The following STYK1 variants were observed in gnomAD, a reference collection of about 807,000 sequenced individuals.
The protein encoded by STYK1 is STY kinase 1.
A neutral mutation model predicts 48.1 loss-of-function variants in STYK1; 46 were observed. The observed-to-expected ratio is 0.96, with a 90% confidence interval of 0.75 to 1.22. The LOEUF (loss-of-function observed/expected upper bound fraction) is 1.22, where lower values mean the gene tolerates loss of function less well. Ranked by LOEUF, STYK1 falls within the 50% of genes most tolerant of loss-of-function variation. The pLI is 0.00. For synonymous variants in STYK1, 188 were observed against 189.0 expected (o/e 0.99, Z 0.04); for missense variants, 527 against 521.1 (o/e 1.01, Z -0.11).
intron 6 of STYK1, 81 bp from the exon 7 acceptor site, chr12:10,627,805 C>T: frequency 8.5e-7 from 1 of 1,174,900 alleles, no homozygotes; most frequent in Non-Finnish European, 1.2e-6. Context: ...GGCAGAGATA[C>T]TCTGAAATGC....
chr12:10,648,728 G>C (rs1947627774), intron 1 of STYK1, among the ~76,000 whole-genome samples: 1 of 151,844 alleles, frequency 6.6e-6, no homozygotes, highest in Non-Finnish European at 1.5e-5. Flanking sequence ...CTCCCGGGTG[G>C]CTAATTTTTA....
rs1178586219 is a variant in STYK1 at position 10,621,914 on chromosome 12, CCTT to C, written c.1023_1025del (p.Arg342del). 3 of 1,613,780 alleles carry C rather than the reference CCTT, an allele frequency of 1.9e-6. No individual in the cohort carries two copies. Among genetic ancestry groups the C allele is most frequent in the Non-Finnish European group, 2.5e-6 (3 of 1,179,860 alleles). On this transcript the variant is annotated inframe_deletion, in exon 10 of 11. Transcript: ENST00000075503. ...AGCTACTGGGTCTCTTCATGATTTT[CCTT>C]CTTTGGAGATGCTCTAGGATGCTGG...
chr12:10,638,930 T>C (rs1947514794), intron 1 of STYK1, among the ~76,000 whole-genome samples: 1 of 152,198 alleles, frequency 6.6e-6, no homozygotes, highest in Non-Finnish European at 1.5e-5. Context: ...CCATGTTCTT[T>C]TTAGATAGAC....
In STYK1 at chr12:10,634,902, A is replaced by G. The variant is rs146345163; in HGVS notation, c.-68-216T>C. Among the ~76,000 whole-genome samples, 3 of 152,210 alleles carry G rather than the reference A, an allele frequency of 2.0e-5. No homozygotes were observed. The East Asian group carries it at 5.8e-4, about 29-fold the overall frequency. On this transcript the variant is annotated intron_variant, in intron 2 of 10. Coordinates refer to ENST00000075503, the MANE Select transcript of STYK1 (RefSeq NM_018423.3). ...AGCGTTTCTCTTTTCTCTATTATACAGCAAAGAGCTCTGATCTGCTCTTGT... is the reference window on the plus strand; with the variant it reads ...AGCGTTTCTCTTTTCTCTATTATACGGCAAAGAGCTCTGATCTGCTCTTGT...
intron 1 of STYK1, among the ~76,000 whole-genome samples, chr12:10,668,529 C>A (rs1947858584): frequency 6.8e-6 from 1 of 147,566 alleles, no homozygotes; most frequent in Admixed American, 6.8e-5. Context: ...GCACCTGTCA[C>A]CACACCTGGC....
chr12:10,638,907 G>T (rs548109322), intron 1 of STYK1, among the ~76,000 whole-genome samples: 19 of 152,252 alleles, frequency 1.2e-4, no homozygotes, highest in African/African-American at 4.6e-4. Flanking sequence ...ATCAACACAT[G>T]TGGATCTTCC....
chr12:10,647,028 G>A (rs1239582428), intron 1 of STYK1, among the ~76,000 whole-genome samples: 1 of 152,230 alleles, frequency 6.6e-6, no homozygotes, highest in African/African-American at 2.4e-5. Context: ...GCAGGGGCGG[G>A]GCCCTCATGG....
Position 10,631,131 on chromosome 12 carries a change from C to T in STYK1, c.365G>A (p.Ser122Asn). 6 of 1,614,230 alleles carry T rather than the reference C, an allele frequency of 3.7e-6. No homozygotes were observed. The highest frequency in any genetic ancestry group is 5.1e-6 in the Non-Finnish European group (6 of 1,180,044). The change falls in exon 5 of 11, where the codon AGT becomes AAT. Residue 122 changes from serine (S) to asparagine (N), a missense_variant. Ser to Asn is a conservative substitution (Grantham distance 46). Coordinates refer to ENST00000075503, the MANE Select transcript of STYK1 (RefSeq NM_018423.3). The part of the protein sequence containing the change: ...QLSEVLEQIC[S>N]GSCGPIFRAN... ...TCGAAAGATGGGCCCACAGCTACCA[C>T]TGCAAATCTGCTCCAGAACTTCAGA...
chr12:10,620,204 C>G lies in STYK1; in HGVS notation c.1209G>C (p.Leu403=), dbSNP rs1306566406. The change falls in exon 11 of 11, where the codon CTG becomes CTC. Residue 403 remains leucine, a synonymous_variant. Coordinates refer to ENST00000075503, the MANE Select transcript of STYK1 (RefSeq NM_018423.3). ...CTCTGATGCCGGCCACAGCTGCATA[C>G]AGTTCAGGTACCACCAACTCTGGTA... The part of the protein sequence containing the change: ...LQVPELVVPE[L]YAAVAGIRVE... The G allele has an allele frequency of 6.2e-7, 1 of 1,614,112 alleles. No individual in the cohort carries two copies. The highest frequency in any genetic ancestry group is 2.2e-5 in the East Asian group (1 of 44,896).
intron 1 of STYK1, among the ~76,000 whole-genome samples, chr12:10,643,856 G>T (rs1331138849): frequency 6.6e-6 from 1 of 152,160 alleles, no homozygotes; most frequent in Non-Finnish European, 1.5e-5. Context: ...GCACTGTGCA[G>T]GTAGGCGAGA....
chr12:10,671,150 A>G (rs142500709), intron 1 of STYK1, among the ~76,000 whole-genome samples: 2,587 of 151,854 alleles, frequency 0.017, 31 homozygotes, highest in Non-Finnish European at 0.029. Flanking sequence ...GCCCGCCACC[A>G]CGCCCAGCTA....
In STYK1 at chr12:10,628,264, A is replaced by G. The variant is rs182321165; in HGVS notation, c.634-540T>C. Among the ~76,000 whole-genome samples, 182 of 152,356 alleles carry G rather than the reference A, an allele frequency of 1.2e-3. 1 individual carries two copies. Among genetic ancestry groups the G allele is most frequent in the African/African-American group, 4.1e-3 (171 of 41,586 alleles). Reference sequence around the variant, plus strand: ...GTAAGTGCCATAAAGGAAATGTACAAAGTGCTAAGAGAGCATATGATGGTG... The same window carrying G: ...GTAAGTGCCATAAAGGAAATGTACAGAGTGCTAAGAGAGCATATGATGGTG... On this transcript the variant is annotated intron_variant, in intron 6 of 10. Transcript: ENST00000075503.
chr12:10,652,284 C>T (rs6488315), intron 1 of STYK1, among the ~76,000 whole-genome samples: 2,335 of 152,280 alleles, frequency 0.015, 70 homozygotes, highest in African/African-American at 0.053. Context: ...CTCTCCCCCT[C>T]CTCCCTTCAT....
intron 1 of STYK1, among the ~76,000 whole-genome samples, chr12:10,639,496 C>A (rs1397922517): frequency 6.6e-6 from 1 of 151,918 alleles, no homozygotes; most frequent in Non-Finnish European, 1.5e-5. Flanking sequence ...CTCACTGCAA[C>A]CTCCGTCTCC....
At chr12:10,621,818 A>G in intron 10 of STYK1, 58 bp downstream of exon 10, 1 of 1,519,492 alleles carries the variant, frequency 6.6e-7, no homozygotes, top group South Asian at 1.1e-5. Context: ...GGCACGATTG[A>G]TAGAGGGCTA....
At position 10,672,243 on chromosome 12, in the gene STYK1, CCGGGGCGCCGA is replaced by C. The variant is rs1222162516; in HGVS notation, c.-195+1712_-195+1722del. ...TGTTTAAGCCAGAGGTCACCAACAC[CCGGGGCGCCGA>C]CAGGTACGGGGTGCACAGCAGGAAA... On this transcript the variant is annotated intron_variant, in intron 1 of 10. Coordinates refer to ENST00000075503, the MANE Select transcript of STYK1 (RefSeq NM_018423.3). This position sits in a 1 kb window ranked among gnomAD's most constrained non-coding sequence, Gnocchi z 4.0. Among the ~76,000 whole-genome samples, 1 of 152,100 alleles carries C rather than the reference CCGGGGCGCCGA, an allele frequency of 6.6e-6. No individual in the cohort carries two copies. Among genetic ancestry groups the C allele is most frequent in the Non-Finnish European group, 1.5e-5 (1 of 68,020 alleles).
chr12:10,648,043 T>C (rs370292930), intron 1 of STYK1, among the ~76,000 whole-genome samples: 37 of 152,304 alleles, frequency 2.4e-4, no homozygotes, highest in African/African-American at 8.9e-4. Flanking sequence ...TTAGAGATTA[T>C]GATGATTATA....
At chr12:10,647,991 T>C (rs373784849) in intron 1 of STYK1, among the ~76,000 whole-genome samples, 36 of 152,294 alleles carry the variant, frequency 2.4e-4, no homozygotes, top group African/African-American at 8.7e-4. Flanking sequence ...CTCAGGTATG[T>C]CTTTATCAGC....
At chr12:10,660,930 A>C (rs1006767187) in intron 1 of STYK1, among the ~76,000 whole-genome samples, 2 of 151,956 alleles carry the variant, frequency 1.3e-5, no homozygotes, top group African/African-American at 4.8e-5. Context: ...ATAACTATAA[A>C]TATACTCAGT....
Sources: allele counts gnomAD v4.1 joint callset (sites outside exome capture counted in the v4.1 genomes callset), GRCh38; gene constraint gnomAD v4.1.1; non-coding constraint Gnocchi (gnomAD v3.1); transcripts MANE v1.5; gene names NCBI Gene and HGNC (gene_info 2026-07-23, HGNC 2026-07-21).